MAX: variants seen among roughly 807,000 people sequenced by gnomAD.
MAX encodes MYC associated transcriptional regulator X, also known as protein max.
Under a neutral mutation model 22.3 loss-of-function variants are expected in MAX, and 3 were observed. The observed-to-expected ratio is 0.13, with a 90% confidence interval of 0.06 to 0.35. The LOEUF is 0.35. Ranked by LOEUF, MAX falls within the 10% of genes least tolerant of loss-of-function variation. The pLI, the probability that MAX is intolerant of heterozygous loss-of-function variation, is 1.00. For synonymous variants in MAX, 72 were observed against 77.7 expected (o/e 0.93, Z 0.39); for missense variants, 119 against 209.4 (o/e 0.57, Z 2.66).
chr14:65,081,886 G>C (rs888348596), intron 3 of MAX: 1 of 152,204 alleles, frequency 6.6e-6, no homozygotes, highest in African/African-American at 2.4e-5. Flanking sequence ...AAAGGGCTCA[G>C]CAGGCCTCTC....
chr14:65,032,658 T>C lies in MAX; in HGVS notation c.172-26374A>G. Reference sequence around the variant, plus strand: ...TAGCCTCGCTGACCAACATCATCACTCCAGACCTCTTTGAGGGCACTGCTG... The same window carrying C: ...TAGCCTCGCTGACCAACATCATCACCCCAGACCTCTTTGAGGGCACTGCTG... On this transcript the variant is annotated intron_variant, in intron 3 of 3. Transcript: ENST00000341653. The surrounding 1 kb of genome is among the most constrained non-coding windows in gnomAD (Gnocchi z 5.0). The C allele has an allele frequency of 6.2e-7, 1 of 1,613,926 alleles. No homozygotes were observed.
In MAX at chr14:65,032,086, G is replaced by C. The variant is rs1455182349; in HGVS notation, c.172-25802C>G. Among the ~76,000 whole-genome samples the C allele has an allele frequency of 6.6e-6, 1 of 151,404 alleles. No homozygotes were observed. Among genetic ancestry groups the C allele is most frequent in the African/African-American group, 2.4e-5 (1 of 41,136 alleles). On this transcript the variant is annotated intron_variant, in intron 3 of 3. Coordinates refer to the MAX transcript ENST00000341653. The surrounding 1 kb of genome is among the most constrained non-coding windows in gnomAD (Gnocchi z 5.0). ...GAGGTTTAAGGACTGTATTGGAGTG[G>C]ACTCACCTGTTCCTATCCTTGTTTG...
At chr14:65,049,986 G>A (rs954889103) in intron 3 of MAX, among the ~76,000 whole-genome samples, 13 of 151,930 alleles carry the variant, frequency 8.6e-5, no homozygotes, top group Non-Finnish European at 1.8e-4. Flanking sequence ...ACATATATAT[G>A]TTTTACATTA....
intron 3 of MAX, among the ~76,000 whole-genome samples, chr14:65,049,219 C>T (rs964929685): frequency 6.6e-6 from 1 of 151,788 alleles, no homozygotes; most frequent in African/African-American, 2.4e-5. Context: ...AAGAAAGCAG[C>T]AGGCCTGTGA....
intron 2 of MAX, 102 bp downstream of exon 2, chr14:65,101,444 C>A (rs963290984): frequency 8.2e-5 from 89 of 1,091,516 alleles, no homozygotes; most frequent in Admixed American, 1.7e-4. Context: ...TTAGAGTTTA[C>A]TACAATATTA....
At chr14:65,075,109 G>A (rs1490183400), downstream of MAX, 4 of 1,014,444 alleles carry the variant, frequency 3.9e-6, no homozygotes, top group Non-Finnish European at 4.7e-6. This position sits in a 1 kb window ranked among gnomAD's most constrained non-coding sequence, Gnocchi z 4.1. Context: ...ACAAGGGTAA[G>A]AAGACACCAC....
chr14:65,025,574 G>GTCT (rs2061964499), intron 3 of MAX, among the ~76,000 whole-genome samples: 1 of 152,198 alleles, frequency 6.6e-6, no homozygotes, highest in African/African-American at 2.4e-5. Context: ...CAGCACTTTG[G>GTCT]GAGTCCGAGG....
intron 3 of MAX, among the ~76,000 whole-genome samples, chr14:65,008,348 C>T (rs1357461014): frequency 6.6e-6 from 1 of 152,220 alleles, no homozygotes; most frequent in Non-Finnish European, 1.5e-5. Flanking sequence ...GTGATCCTCT[C>T]TTTCAGCAGC....
rs1160462837 is a variant in MAX at position 65,088,916 on chromosome 14, CTAT to C, written c.171+4789_171+4791del. Among the ~76,000 whole-genome samples the C allele has an allele frequency of 4.6e-5, 7 of 151,624 alleles. No homozygotes were observed. The highest frequency in any genetic ancestry group is 1.7e-4 in the African/African-American group (7 of 41,500). On this transcript the variant is annotated intron_variant, in intron 3 of 4. Coordinates refer to ENST00000358664, the MANE Select transcript of MAX (RefSeq NM_002382.5). This position sits in a 1 kb window ranked among gnomAD's most constrained non-coding sequence, Gnocchi z 5.2. ...AATCATGTTCCCTGCCATAAGGGAA[CTAT>C]TATATTTGGTTTCAACATCTACCTG...
At chr14:65,018,958 A>G (rs2061834024) in intron 3 of MAX, among the ~76,000 whole-genome samples, 1 of 152,176 alleles carries the variant, frequency 6.6e-6, no homozygotes, top group South Asian at 2.1e-4. Context: ...TAAAAATACA[A>G]AATTAGCCAA....
At chr14:65,020,223 G>C (rs1376725475) in intron 3 of MAX, among the ~76,000 whole-genome samples, 1 of 152,226 alleles carries the variant, frequency 6.6e-6, no homozygotes, top group Admixed American at 6.5e-5. Flanking sequence ...AGCAAGGCGA[G>C]GTTGTTACTG....
chr14:65,101,422 T>C, intron 2 of MAX, 124 bp downstream of exon 2: 3 of 881,928 alleles, frequency 3.4e-6, no homozygotes, highest in Non-Finnish European at 5.4e-6. Context: ...CACCTCACCT[T>C]AGTGGTTAAC....
At position 65,027,355 on chromosome 14, in the gene MAX, GT is replaced by G. The variant is rs1462201951; in HGVS notation, c.172-21072del. 1 of 1,556,474 alleles carries G rather than the reference GT, an allele frequency of 6.4e-7. No homozygotes were observed. Among genetic ancestry groups the G allele is most frequent in the Non-Finnish European group, 8.7e-7 (1 of 1,150,908 alleles). On this transcript the variant is annotated intron_variant, in intron 3 of 3. Coordinates refer to the MAX transcript ENST00000341653. This position sits in a 1 kb window ranked among gnomAD's most constrained non-coding sequence, Gnocchi z 5.7. ...GAGGTTCCCCTCAACTTTTGAGGGA[GT>G]GGGGGATCATTGGAAAGGCCTGGAA...
chr14:65,078,533 G>GC lies in MAX; in HGVS notation c.172-498_172-497insG, dbSNP rs1555340625. The stretch of plus-strand genomic sequence containing the variant: ...GCCTGTTGTTGTTGTTGTTGTTGTT[G>GC]TTTTTTTTTTTTTGGAGACGTAGTC... On this transcript the variant is annotated intron_variant, in intron 3 of 4. Transcript: ENST00000358664. The surrounding 1 kb of genome is among the most constrained non-coding windows in gnomAD (Gnocchi z 6.4). 8.2e-4 allele frequency among the ~76,000 whole-genome samples: 112 copies of GC among 136,216 alleles called. No individual in the cohort carries two copies. Among genetic ancestry groups the GC allele is most frequent in the South Asian group, 4.1e-3 (17 of 4,184 alleles). The allele number at this position is 136,216 out of a possible 152,430, so 89.4% of individuals were successfully genotyped here.
intron 2 of MAX, among the ~76,000 whole-genome samples, chr14:65,097,426 G>A (rs570232743): frequency 2.6e-5 from 4 of 152,298 alleles, no homozygotes; most frequent in African/African-American, 9.6e-5. Flanking sequence ...ATAGCACGGG[G>A]AAATAAATGC....
In MAX at chr14:65,031,645, G is replaced by A. The variant is rs2062086780; in HGVS notation, c.172-25361C>T. On this transcript the variant is annotated intron_variant, in intron 3 of 3. Coordinates refer to the MAX transcript ENST00000341653. The surrounding 1 kb of genome is among the most constrained non-coding windows in gnomAD (Gnocchi z 4.6). ...AATGCTTTTTTAAAAAATAGCCCGGGCGCGGTGGCTTATGCCTGTAATCCC... is the reference window on the plus strand; with the variant it reads ...AATGCTTTTTTAAAAAATAGCCCGGACGCGGTGGCTTATGCCTGTAATCCC... Among the ~76,000 whole-genome samples the A allele has an allele frequency of 6.6e-6, 1 of 152,124 alleles. No homozygotes were observed. The highest frequency in any genetic ancestry group is 6.5e-5 in the Admixed American group (1 of 15,286).
chr14:65,083,797 C>A, intron 3 of MAX: 1 of 1,119,482 alleles, frequency 8.9e-7, no homozygotes, highest in Non-Finnish European at 1.1e-6. Context: ...GAAAATGAAA[C>A]CATTTATTTT....
chr14:65,077,870 G>A lies in MAX; in HGVS notation c.295+43C>T, dbSNP rs1566600384. 2.5e-6 allele frequency: 4 copies of A among 1,614,228 alleles called. No individual in the cohort carries two copies. Among genetic ancestry groups the A allele is most frequent in the Middle Eastern group, 1.6e-4 (1 of 6,062 alleles). ...CCAGGTGCCAAAGCCTGACCTGGCT[G>A]GAGCACAGCAGGGCCAGCTGCCCCA... On this transcript the variant is annotated intron_variant, in intron 4 of 4. Coordinates refer to ENST00000358664, the MANE Select transcript of MAX (RefSeq NM_002382.5). The surrounding 1 kb of genome is among the most constrained non-coding windows in gnomAD (Gnocchi z 6.3).
chr14:65,008,959 C>T (rs367986820), intron 3 of MAX, among the ~76,000 whole-genome samples: 96 of 152,316 alleles, frequency 6.3e-4, no homozygotes, highest in Non-Finnish European at 1.2e-3. Context: ...GGGCCCTCCT[C>T]ATCCACTTGA....
Sources: allele counts gnomAD v4.1 joint callset (sites outside exome capture counted in the v4.1 genomes callset), GRCh38; gene constraint gnomAD v4.1.1; non-coding constraint Gnocchi (gnomAD v3.1); transcripts MANE v1.5; gene names NCBI Gene and HGNC (gene_info 2026-07-23, HGNC 2026-07-21).